The following PCDH9 variants were observed in gnomAD, a reference collection of about 807,000 sequenced individuals.
PCDH9 encodes protocadherin-9.
PCDH9 carries 24 observed loss-of-function variants against 70.6 expected under a neutral mutation model. The observed-to-expected ratio is 0.34, with a 90% CI of 0.25 to 0.48. The LOEUF (loss-of-function observed/expected upper bound fraction) is 0.48, where lower values mean the gene tolerates loss of function less well. Ranked by LOEUF, PCDH9 falls within the 20% of genes least tolerant of loss-of-function variation. The probability of loss-of-function intolerance (pLI) is 0.99; values close to 1 mark genes in which losing one functional copy is unlikely to be tolerated. For synonymous variants in PCDH9, 562 were observed against 558.5 expected (o/e 1.01, Z -0.09); for missense variants, 1,281 against 1,503.6 (o/e 0.85, Z 2.45).
intron 3 of PCDH9, among the ~76,000 whole-genome samples, chr13:66,739,079 G>T (rs1431955552): frequency 1.5e-5 from 2 of 133,046 alleles, no homozygotes; most frequent in Non-Finnish European, 3.2e-5. Context: ...AAATGTTAAG[G>T]GCAGCCAGAG....
At chr13:66,384,321 A>G (rs1956892817) in intron 4 of PCDH9, among the ~76,000 whole-genome samples, 1 of 152,154 alleles carries the variant, frequency 6.6e-6, no homozygotes, top group Non-Finnish European at 1.5e-5. Context: ...TGTTAAATGT[A>G]TTAGGGTTTA....
At chr13:66,804,453 C>T (rs2080380565) in intron 3 of PCDH9, among the ~76,000 whole-genome samples, 2 of 151,840 alleles carry the variant, frequency 1.3e-5, no homozygotes, top group Non-Finnish European at 2.9e-5. Context: ...ATTATTTTAA[C>T]AAAGTTTCTT....
intron 4 of PCDH9, among the ~76,000 whole-genome samples, chr13:66,379,998 C>G (rs1956816619): frequency 6.6e-6 from 1 of 152,022 alleles, no homozygotes; most frequent in East Asian, 1.9e-4. Context: ...AAAGATAATT[C>G]CAAGAATTTC....
At chr13:67,115,394 A>G (rs998365311) in intron 2 of PCDH9, among the ~76,000 whole-genome samples, 1 of 152,168 alleles carries the variant, frequency 6.6e-6, no homozygotes, top group Admixed American at 6.6e-5. Flanking sequence ...GGTTGAAGAC[A>G]ATGCATGTTC....
intron 4 of PCDH9, among the ~76,000 whole-genome samples, chr13:66,501,606 G>A (rs933998292): frequency 6.6e-6 from 1 of 151,850 alleles, no homozygotes; most frequent in African/African-American, 2.4e-5. Context: ...AATTTACCTA[G>A]TATGAAAAAG....
intron 4 of PCDH9, among the ~76,000 whole-genome samples, chr13:66,411,761 T>C (rs897582805): frequency 6.6e-6 from 1 of 152,168 alleles, no homozygotes; most frequent in African/African-American, 2.4e-5. Flanking sequence ...TGGATTTATA[T>C]TGTAAAATGT....
intron 2 of PCDH9, among the ~76,000 whole-genome samples, chr13:67,156,633 G>A (rs2087820691): frequency 6.6e-6 from 1 of 152,186 alleles, no homozygotes; most frequent in Admixed American, 6.5e-5. Context: ...AAGCCCACAT[G>A]TGATCCTATT....
chr13:67,084,792 C>T lies in PCDH9; in HGVS notation c.3036+140613G>A, dbSNP rs905024681. 4.6e-5 allele frequency among the ~76,000 whole-genome samples: 7 copies of T among 150,754 alleles called. No individual in the cohort carries two copies. In the South Asian group the frequency reaches 6.3e-4, roughly 14 times the overall value. On this transcript the variant is annotated intron_variant, in intron 2 of 4. Transcript: ENST00000377865. Reference sequence around the variant, plus strand: ...GACCATCCTGGCCAACATGGTGAAACCCCGTCTCTATTAAAAATATAAAAA... The same window carrying T: ...GACCATCCTGGCCAACATGGTGAAATCCCGTCTCTATTAAAAATATAAAAA...
At chr13:66,931,438 A>G (rs1456609994) in intron 2 of PCDH9, among the ~76,000 whole-genome samples, 1 of 152,146 alleles carries the variant, frequency 6.6e-6, no homozygotes, top group Non-Finnish European at 1.5e-5. Context: ...GGAGTCTCCA[A>G]AAAAATAAAT....
chr13:66,576,798 T>C (rs1466570250), intron 4 of PCDH9, among the ~76,000 whole-genome samples: 1 of 152,042 alleles, frequency 6.6e-6, no homozygotes, highest in East Asian at 1.9e-4. Context: ...CTAGATGCAA[T>C]ACATTGCCTG....
At chr13:66,526,258 A>G (rs553277350) in intron 4 of PCDH9, among the ~76,000 whole-genome samples, 47 of 152,234 alleles carry the variant, frequency 3.1e-4, no homozygotes, top group Non-Finnish European at 5.9e-4. Context: ...AGCACAAAGG[A>G]AGAACACCTG....
chr13:66,856,911 G>A (rs41336946), intron 3 of PCDH9, among the ~76,000 whole-genome samples: 1 of 151,960 alleles, frequency 6.6e-6, no homozygotes, highest in Non-Finnish European at 1.5e-5. Flanking sequence ...TTACCTTGTA[G>A]GTGGGGCATA....
intron 4 of PCDH9, among the ~76,000 whole-genome samples, chr13:66,356,459 CA>C (rs978278819): frequency 2.0e-5 from 3 of 152,064 alleles, no homozygotes; most frequent in African/African-American, 7.2e-5. Flanking sequence ...ACCCTCTCTG[CA>C]GGTTCATAAT....
intron 2 of PCDH9, chr13:67,225,014 TTGAAGG>T: frequency 9.7e-7 from 1 of 1,035,712 alleles, no homozygotes; most frequent in Non-Finnish European, 1.2e-6. Flanking sequence ...AACTTGAGAT[TTGAAGG>T]TGACTTTTTA....
chr13:66,346,624 G>A (rs953377400), intron 4 of PCDH9, among the ~76,000 whole-genome samples: 1 of 152,146 alleles, frequency 6.6e-6, no homozygotes, highest in African/African-American at 2.4e-5. Context: ...CCTATGGCTG[G>A]TAGAGCAGCC....
rs1027542396 is a variant in PCDH9, at chr13:66,628,327, C to T, written c.3340+2883G>A. ...AGTATTCAAAGGATCCCTGAATCTC[C>T]GGACAAATAAACAGACAAACAAAAA... is the stretch of plus-strand genomic sequence containing the variant. On this transcript the variant is annotated intron_variant, in intron 4 of 4. Transcript: ENST00000377865. Among the ~76,000 whole-genome samples the T allele has an allele frequency of 7.9e-5, 12 of 152,152 alleles. No individual in the cohort carries two copies. In the South Asian group the frequency reaches 8.3e-4, roughly 11 times the overall value.
At chr13:66,319,666 A>C (rs1231430119) in intron 4 of PCDH9, among the ~76,000 whole-genome samples, 2 of 152,032 alleles carry the variant, frequency 1.3e-5, no homozygotes, top group Non-Finnish European at 2.9e-5. Context: ...AAGGGGCAAA[A>C]GGAGGGTGAG....
At chr13:66,357,984 AGCATACTGCT>A (rs1163598770) in intron 4 of PCDH9, among the ~76,000 whole-genome samples, 1 of 152,100 alleles carries the variant, frequency 6.6e-6, no homozygotes, top group Non-Finnish European at 1.5e-5. Context: ...AAATGGAATA[AGCATACTGCT>A]TCTGTTACTA....
intron 4 of PCDH9, among the ~76,000 whole-genome samples, chr13:66,330,126 A>C (rs1955916998): frequency 6.6e-6 from 1 of 152,210 alleles, no homozygotes; most frequent in African/African-American, 2.4e-5. Context: ...ATTCCCTTAC[A>C]TGCCACTTGC....
Sources: allele counts gnomAD v4.1 joint callset (sites outside exome capture counted in the v4.1 genomes callset), GRCh38; gene constraint gnomAD v4.1.1; transcripts MANE v1.5; gene names NCBI Gene and HGNC (gene_info 2026-07-23, HGNC 2026-07-21).